The following PPP3CA variants were observed in gnomAD, a reference collection of about 807,000 sequenced individuals.
PPP3CA encodes CAM-PRP catalytic subunit.
In PPP3CA, 14 loss-of-function variants were observed where a neutral mutation model predicts 66.5. The observed-to-expected ratio is 0.21, with a 90% CI of 0.14 to 0.33. The LOEUF is 0.33. PPP3CA is among the 10% of genes least tolerant of loss of function. The pLI is 1.00. For missense variants in PPP3CA, 317 were observed against 639.5 expected (o/e 0.50, Z 5.44); for synonymous variants, 232 against 226.2 (o/e 1.03, Z -0.23).
At chr4:101,263,969 G>C (rs1166683670) in intron 1 of PPP3CA, among the ~76,000 whole-genome samples, 1 of 152,078 alleles carries the variant, frequency 6.6e-6, no homozygotes, top group Non-Finnish European at 1.5e-5. Context: ...GGTAAAAAGG[G>C]TGCCTTAACT....
intron 2 of PPP3CA, among the ~76,000 whole-genome samples, chr4:101,190,793 C>T (rs1724575608): frequency 6.6e-6 from 1 of 152,130 alleles, no homozygotes; most frequent in Admixed American, 6.5e-5. Flanking sequence ...ATCCTGCCTG[C>T]TTGTATTATA....
Position 101,325,913 on chromosome 4 carries a change from C to T in PPP3CA, c.58+20826G>A, listed in dbSNP as rs188293605. Among the ~76,000 whole-genome samples the T allele has an allele frequency of 8.1e-4, 123 of 152,126 alleles. 1 individual carries two copies. Among genetic ancestry groups the T allele is most frequent in the African/African-American group, 2.8e-3 (116 of 41,478 alleles). On this transcript the variant is annotated intron_variant, in intron 1 of 13. Transcript: ENST00000394854. ...AGCACTTTGGGGGGCTGAGGTTAGGCGGATCACTTGAGGTCAGGAGTTCGA... is the reference window on the plus strand; with the variant it reads ...AGCACTTTGGGGGGCTGAGGTTAGGTGGATCACTTGAGGTCAGGAGTTCGA...
chr4:101,117,058 G>A (rs904888366), intron 2 of PPP3CA, among the ~76,000 whole-genome samples: 1 of 151,706 alleles, frequency 6.6e-6, no homozygotes, highest in African/African-American at 2.4e-5. Context: ...CACCAGTACA[G>A]ATTAATAGCA....
chr4:101,089,390 G>A (rs1396543550), intron 6 of PPP3CA, among the ~76,000 whole-genome samples: 1 of 152,206 alleles, frequency 6.6e-6, no homozygotes, highest in African/African-American at 2.4e-5. Context: ...CAGAAGCTGG[G>A]CAGTGTGAGA....
chr4:101,145,835 C>A (rs972450667), intron 2 of PPP3CA, among the ~76,000 whole-genome samples: 2 of 152,222 alleles, frequency 1.3e-5, no homozygotes, highest in Non-Finnish European at 2.9e-5. Flanking sequence ...GAAGTTGACA[C>A]ATGGCTGTAA....
At chr4:101,124,394 A>G (rs1000064200) in intron 2 of PPP3CA, among the ~76,000 whole-genome samples, 3 of 151,978 alleles carry the variant, frequency 2.0e-5, no homozygotes, top group Admixed American at 6.6e-5. Flanking sequence ...GCCAAGGTGG[A>G]AAGATCAGCT....
At chr4:101,187,723 A>C (rs1578534199) in intron 2 of PPP3CA, among the ~76,000 whole-genome samples, 1 of 152,140 alleles carries the variant, frequency 6.6e-6, no homozygotes, top group East Asian at 1.9e-4. Context: ...CTCAAACTTT[A>C]CCTTTTAAAA....
intron 11 of PPP3CA, 115 bp from the exon 12 acceptor site, chr4:101,032,479 T>C (rs1331758023): frequency 2.5e-6 from 2 of 793,212 alleles, no homozygotes; most frequent in Non-Finnish European, 4.1e-6. Context: ...CTATCTTGGC[T>C]CTCCGGATCT....
At chr4:101,052,657 C>A (rs904788214) in intron 10 of PPP3CA, among the ~76,000 whole-genome samples, 7 of 151,768 alleles carry the variant, frequency 4.6e-5, no homozygotes, top group African/African-American at 1.4e-4. Flanking sequence ...AAATAACCTA[C>A]CTTTTTACAC....
chr4:101,226,290 C>T (rs1725780182), intron 1 of PPP3CA, among the ~76,000 whole-genome samples: 1 of 151,666 alleles, frequency 6.6e-6, no homozygotes, highest in Non-Finnish European at 1.5e-5. Flanking sequence ...CCTTTCTCCA[C>T]CCTAGTTGTT....
chr4:101,319,542 C>T (rs1044479036), intron 1 of PPP3CA, among the ~76,000 whole-genome samples: 2 of 152,070 alleles, frequency 1.3e-5, no homozygotes, highest in African/African-American at 2.4e-5. Context: ...TACTCCTTTA[C>T]GACTAAATCA....
chr4:101,243,323 A>G (rs186694452), intron 1 of PPP3CA, among the ~76,000 whole-genome samples: 1 of 152,292 alleles, frequency 6.6e-6, no homozygotes, highest in African/African-American at 2.4e-5. Context: ...AGGATATAGA[A>G]CATATTGCCC....
At chr4:101,183,730 T>C (rs1190052106) in intron 2 of PPP3CA, among the ~76,000 whole-genome samples, 1 of 152,148 alleles carries the variant, frequency 6.6e-6, no homozygotes, top group African/African-American at 2.4e-5. Flanking sequence ...TCCCTTTTCT[T>C]GATCCAAGTT....
At chr4:101,289,174 TAACTC>T (rs1727941171) in intron 1 of PPP3CA, among the ~76,000 whole-genome samples, 2 of 152,192 alleles carry the variant, frequency 1.3e-5, no homozygotes, top group East Asian at 1.9e-4. Context: ...ACAACAAAAA[TAACTC>T]TACAGATAAA....
At chr4:101,299,521 T>C (rs1050109354) in intron 1 of PPP3CA, among the ~76,000 whole-genome samples, 1 of 152,016 alleles carries the variant, frequency 6.6e-6, no homozygotes, top group Non-Finnish European at 1.5e-5. Context: ...ATATACTCCA[T>C]TATAATCATA....
intron 1 of PPP3CA, among the ~76,000 whole-genome samples, chr4:101,343,985 C>T (rs1729901786): frequency 2.0e-5 from 3 of 151,980 alleles, no homozygotes; most frequent in Admixed American, 2.0e-4. Flanking sequence ...ATGGTAATAA[C>T]AATCTGAATA....
intron 2 of PPP3CA, among the ~76,000 whole-genome samples, chr4:101,165,640 C>T (rs540325085): frequency 6.6e-6 from 1 of 152,242 alleles, no homozygotes; most frequent in South Asian, 2.1e-4. Flanking sequence ...TATTATAATA[C>T]TTACATGTGT....
At chr4:101,096,701 A>G (rs1730210051) in intron 5 of PPP3CA, among the ~76,000 whole-genome samples, 1 of 152,162 alleles carries the variant, frequency 6.6e-6, no homozygotes. Flanking sequence ...TGCTAACAGA[A>G]ACTACTATAC....
intron 6 of PPP3CA, among the ~76,000 whole-genome samples, chr4:101,084,755 C>T (rs1288530269): frequency 6.6e-6 from 1 of 152,046 alleles, no homozygotes; most frequent in Non-Finnish European, 1.5e-5. Context: ...GTTCATGTGC[C>T]CATGTGTAGT....
Sources: allele counts gnomAD v4.1 joint callset (sites outside exome capture counted in the v4.1 genomes callset), GRCh38; gene constraint gnomAD v4.1.1; transcripts MANE v1.5; gene names NCBI Gene and HGNC (gene_info 2026-07-23, HGNC 2026-07-21).